GRM3: variants seen among roughly 807,000 people sequenced by gnomAD.
The protein encoded by GRM3 is metabotropic glutamate receptor 3.
In GRM3, 26 loss-of-function variants were observed where a neutral mutation model predicts 70.5. The ratio of observed to expected loss-of-function variants is 0.37; its 90% CI spans 0.27 to 0.51. GRM3 has a LOEUF of 0.51. Among genes scored for constraint, GRM3 ranks in the 20% least tolerant of loss-of-function variants. The pLI, the probability that GRM3 is intolerant of heterozygous loss-of-function variation, is 0.93. For missense variants in GRM3, 859 were observed against 1,123.8 expected (o/e 0.76, Z 3.37); for synonymous variants, 443 against 434.9 (o/e 1.02, Z -0.23).
At chr7:86,859,641 AT>A (rs1053770837) in intron 5 of GRM3, among the ~76,000 whole-genome samples, 1 of 152,038 alleles carries the variant, frequency 6.6e-6, no homozygotes, top group Admixed American at 6.6e-5. Context: ...TGAAATGTTT[AT>A]TTTTTTTCTG....
chr7:86,838,870 C>T lies in GRM3; in HGVS notation c.1356C>T (p.Ser452=). The T allele has an allele frequency of 1.2e-6, 2 of 1,611,108 alleles. No individual in the cohort carries two copies. The highest frequency in any genetic ancestry group is 8.5e-7 in the Non-Finnish European group (1 of 1,177,890). Residue 452 remains serine, a synonymous_variant, in exon 4 of 6, where the codon AGC becomes AGT. Transcript: ENST00000361669. ...TCAACCCAAATAAAGATGCAGATAG[C>T]ATAGTCAAGTTTGACACTTTTGGAG... ...APFNPNKDAD[S]IVKFDTFGDG...
At chr7:86,728,975 A>T (rs1795657845) in intron 1 of GRM3, among the ~76,000 whole-genome samples, 1 of 152,186 alleles carries the variant, frequency 6.6e-6, no homozygotes. Context: ...CTTCCAAGAT[A>T]AGGAGTTGAC....
rs764383319 is a variant in GRM3, at chr7:86,786,214, A to T, written c.469-47A>T. ...CTATTATTCATTTTCATGTCCAGTC[A>T]TCTACCTCGGGGTTTCTAACAAAGG... On this transcript the variant is annotated intron_variant, in intron 2 of 5. Coordinates refer to ENST00000361669, the MANE Select transcript of GRM3 (RefSeq NM_000840.3). The surrounding 1 kb of genome is among the most constrained non-coding windows in gnomAD (Gnocchi z 6.0). 1 of 1,538,644 alleles carries T rather than the reference A, an allele frequency of 6.5e-7. No homozygotes were observed. Among genetic ancestry groups the T allele is most frequent in the African/African-American group, 1.4e-5 (1 of 72,944 alleles).
At chr7:86,660,499 T>A (rs773452654) in intron 1 of GRM3, among the ~76,000 whole-genome samples, 1 of 152,038 alleles carries the variant, frequency 6.6e-6, no homozygotes, top group Non-Finnish European at 1.5e-5. Flanking sequence ...ACAGAATGCT[T>A]GATAATCTTT....
At chr7:86,670,347 A>G (rs947260614) in intron 1 of GRM3, among the ~76,000 whole-genome samples, 1 of 152,230 alleles carries the variant, frequency 6.6e-6, no homozygotes, top group African/African-American at 2.4e-5. Context: ...ACATCTAAGC[A>G]GGTAACTGCT....
At chr7:86,756,232 C>T (rs1347888239) in intron 1 of GRM3, among the ~76,000 whole-genome samples, 3 of 152,146 alleles carry the variant, frequency 2.0e-5, no homozygotes, top group Non-Finnish European at 2.9e-5. Flanking sequence ...GCACACACCA[C>T]CAAGCCCAGC....
rs529080254 is a variant in GRM3 at position 86,653,324 on chromosome 7, G to A, written c.-141+8452G>A. 4.6e-5 allele frequency among the ~76,000 whole-genome samples: 7 copies of A among 152,260 alleles called. 1 individual carries two copies. In the South Asian group the frequency reaches 1.5e-3, roughly 32 times the overall value. On this transcript the variant is annotated intron_variant, in intron 1 of 5. Coordinates refer to ENST00000361669, the MANE Select transcript of GRM3 (RefSeq NM_000840.3). ...AGGGCTTCAGCATGTGAATTTTGGA[G>A]CAACACAAATATTCGGTCCATAACA...
chr7:86,861,473 A>G (rs1002734844), intron 5 of GRM3, among the ~76,000 whole-genome samples: 2 of 152,234 alleles, frequency 1.3e-5, no homozygotes, highest in African/African-American at 2.4e-5. Flanking sequence ...GGCTAGGCTG[A>G]GTTTCAAAAC....
intron 5 of GRM3, among the ~76,000 whole-genome samples, chr7:86,863,192 G>C (rs1439008813): frequency 6.6e-6 from 1 of 152,094 alleles, no homozygotes; most frequent in Non-Finnish European, 1.5e-5. Flanking sequence ...AAAAGAAAAA[G>C]CATTAAGGGT....
At chr7:86,676,855 C>G (rs992343884) in intron 1 of GRM3, among the ~76,000 whole-genome samples, 1 of 151,912 alleles carries the variant, frequency 6.6e-6, no homozygotes, top group Non-Finnish European at 1.5e-5. Context: ...ATTTAACCAT[C>G]TTTTCATCTG....
intron 1 of GRM3, among the ~76,000 whole-genome samples, chr7:86,669,179 G>C (rs1794108042): frequency 6.6e-6 from 1 of 152,092 alleles, no homozygotes; most frequent in Admixed American, 6.6e-5. Context: ...TACATTGGCT[G>C]CACATAACAT....
chr7:86,649,540 A>C (rs188625396), intron 1 of GRM3, among the ~76,000 whole-genome samples: 41 of 152,284 alleles, frequency 2.7e-4, no homozygotes, highest in Admixed American at 1.2e-3. Context: ...TCTGATCTTT[A>C]ATTTCTTATC....
chr7:86,836,268 C>A (rs10259486), intron 3 of GRM3, among the ~76,000 whole-genome samples: 17,791 of 151,960 alleles, frequency 0.12, 1,137 homozygotes, highest in African/African-American at 0.15. Context: ...TACGCTTTGA[C>A]CCAACAGTTT....
chr7:86,749,674 G>C (rs949642022), intron 1 of GRM3, among the ~76,000 whole-genome samples: 1 of 151,954 alleles, frequency 6.6e-6, no homozygotes, highest in African/African-American at 2.4e-5. Flanking sequence ...ATAGACTTCA[G>C]AAAAAAGTAT....
At chr7:86,696,983 G>T (rs573301779) in intron 1 of GRM3, among the ~76,000 whole-genome samples, 31 of 152,158 alleles carry the variant, frequency 2.0e-4, no homozygotes, top group African/African-American at 7.2e-4. Flanking sequence ...TATCCTATTG[G>T]GAATATGGAC....
At chr7:86,792,603 T>A (rs1414737739) in intron 3 of GRM3, among the ~76,000 whole-genome samples, 1 of 152,204 alleles carries the variant, frequency 6.6e-6, no homozygotes, top group Non-Finnish European at 1.5e-5. Flanking sequence ...AAGGTCCTGA[T>A]TTAGTCATTC....
At chr7:86,832,799 C>T (rs1197841420) in intron 3 of GRM3, among the ~76,000 whole-genome samples, 1 of 152,136 alleles carries the variant, frequency 6.6e-6, no homozygotes, top group Non-Finnish European at 1.5e-5. Context: ...GTATTCAAGC[C>T]AAGTTCCCAT....
At chr7:86,780,988 G>A (rs1240006339) in intron 2 of GRM3, among the ~76,000 whole-genome samples, 1 of 152,124 alleles carries the variant, frequency 6.6e-6, no homozygotes, top group Non-Finnish European at 1.5e-5. Flanking sequence ...AGAATGGACT[G>A]GATAAATATG....
At chr7:86,726,813 G>C (rs965881349) in intron 1 of GRM3, among the ~76,000 whole-genome samples, 5 of 152,160 alleles carry the variant, frequency 3.3e-5, no homozygotes, top group Non-Finnish European at 7.3e-5. Flanking sequence ...ACTTCCTCTT[G>C]TAACACTATT....
Sources: allele counts gnomAD v4.1 joint callset (sites outside exome capture counted in the v4.1 genomes callset), GRCh38; gene constraint gnomAD v4.1.1; non-coding constraint Gnocchi (gnomAD v3.1); transcripts MANE v1.5; gene names NCBI Gene and HGNC (gene_info 2026-07-23, HGNC 2026-07-21).